ATRNL1: variants seen among roughly 807,000 people sequenced by gnomAD.
ATRNL1 encodes the protein attractin like 1, also known as attractin-like protein 1.
In ATRNL1, 95 loss-of-function variants were observed where a neutral mutation model predicts 182.7. The ratio of observed to expected loss-of-function variants is 0.52; its 90% confidence interval spans 0.44 to 0.62. The LOEUF (loss-of-function observed/expected upper bound fraction) is 0.62. ATRNL1 is among the 20% of genes least tolerant of loss of function. The probability of loss-of-function intolerance (pLI) is 0.00; values close to 1 mark genes in which losing one functional copy is unlikely to be tolerated. For missense variants in ATRNL1, 1,471 were observed against 1,679.5 expected, an observed-to-expected ratio of 0.88 and a Z score of 2.17; for synonymous variants, 576 against 568.3, an observed-to-expected ratio of 1.01 and a Z score of -0.19.
chr10:115,800,766 T>TG (rs1479265219), intron 27 of ATRNL1, among the ~76,000 whole-genome samples: 1 of 152,048 alleles, frequency 6.6e-6, no homozygotes, highest in Non-Finnish European at 1.5e-5. Context: ...TTCTGTCATG[T>TG]GAGGACACAG....
intron 8 of ATRNL1, among the ~76,000 whole-genome samples, chr10:115,192,197 A>G (rs1247093436): frequency 6.6e-6 from 1 of 151,948 alleles, no homozygotes; most frequent in Non-Finnish European, 1.5e-5. Context: ...GTGTTTCTCC[A>G]GTGTTTTCTT....
chr10:115,232,034 T>G (rs1248947818), intron 9 of ATRNL1, among the ~76,000 whole-genome samples: 1 of 152,202 alleles, frequency 6.6e-6, no homozygotes, highest in Non-Finnish European at 1.5e-5. Context: ...GGATGCATAC[T>G]GGAATTGTCC....
At position 115,180,300 on chromosome 10, in the gene ATRNL1, T is replaced by C. The variant is rs551042846; in HGVS notation, c.1348+9008T>C. Reference sequence around the variant, plus strand: ...GTGCATGTCATCTGGTTTGCTTATTTTTGACCTTTATAAAAAGGTTGTATT... The same window carrying C: ...GTGCATGTCATCTGGTTTGCTTATTCTTGACCTTTATAAAAAGGTTGTATT... On this transcript the variant is annotated intron_variant, in intron 8 of 28. Coordinates refer to ENST00000355044, the MANE Select transcript of ATRNL1 (RefSeq NM_207303.4). Among the ~76,000 whole-genome samples, 162 of 152,180 alleles carry C rather than the reference T, an allele frequency of 1.1e-3. 3 individuals are homozygous for C. In the South Asian group the frequency reaches 0.032, roughly 30 times the overall value.
intron 19 of ATRNL1, among the ~76,000 whole-genome samples, chr10:115,389,168 T>C (rs939002587): frequency 3.3e-5 from 5 of 152,068 alleles, no homozygotes; most frequent in Non-Finnish European, 7.4e-5. Flanking sequence ...GTAGTTGTCT[T>C]TTTGTGCCTG....
intron 24 of ATRNL1, among the ~76,000 whole-genome samples, chr10:115,517,574 A>G (rs1554984173): frequency 6.6e-6 from 1 of 151,476 alleles, no homozygotes; most frequent in Admixed American, 6.6e-5. Flanking sequence ...TTGTTATTTC[A>G]TCTGTTCTCT....
intron 13 of ATRNL1, among the ~76,000 whole-genome samples, chr10:115,273,475 G>C (rs1388963627): frequency 6.6e-6 from 1 of 151,500 alleles, no homozygotes; most frequent in Non-Finnish European, 1.5e-5. Context: ...CCAAGTTCCT[G>C]ACCATACAGA....
chr10:115,772,740 T>C (rs1949026902), intron 27 of ATRNL1, among the ~76,000 whole-genome samples: 1 of 152,036 alleles, frequency 6.6e-6, no homozygotes, highest in African/African-American at 2.4e-5. Flanking sequence ...TTGCTTTTCA[T>C]TTGGCAAAAA....
chr10:115,253,460 A>G (rs1850969651), intron 10 of ATRNL1, among the ~76,000 whole-genome samples: 1 of 151,986 alleles, frequency 6.6e-6, no homozygotes. Context: ...AACCCAGACA[A>G]CAAGTTTTTT....
chr10:115,525,174 C>T (rs377183973), intron 25 of ATRNL1, among the ~76,000 whole-genome samples: 1 of 152,158 alleles, frequency 6.6e-6, no homozygotes, highest in African/African-American at 2.4e-5. Flanking sequence ...TCTCCTGTTC[C>T]TTCATTCTTA....
At chr10:115,473,600 G>A (rs1218690750) in intron 24 of ATRNL1, among the ~76,000 whole-genome samples, 1 of 151,122 alleles carries the variant, frequency 6.6e-6, no homozygotes, top group South Asian at 2.1e-4. Flanking sequence ...GCATAAGTTC[G>A]GAAGTGTTCA....
intron 18 of ATRNL1, among the ~76,000 whole-genome samples, chr10:115,327,697 C>T (rs10787564): frequency 0.64 from 95,694 of 149,154 alleles, 31,124 homozygotes; most frequent in East Asian, 0.82. Context: ...AAATGTCCAA[C>T]AATGATAGAC....
chr10:115,451,973 T>G (rs776933284), intron 21 of ATRNL1, among the ~76,000 whole-genome samples: 11 of 152,180 alleles, frequency 7.2e-5, no homozygotes, highest in Non-Finnish European at 1.2e-4. Context: ...TGGATAGGGC[T>G]AGAGACTATT....
intron 17 of ATRNL1, 82 bp downstream of exon 17, chr10:115,302,125 T>C (rs1853502232): frequency 7.7e-7 from 1 of 1,292,798 alleles, no homozygotes. Context: ...ATTAAATATT[T>C]GAAGAAGTTT....
intron 26 of ATRNL1, among the ~76,000 whole-genome samples, chr10:115,655,938 A>G (rs1860303834): frequency 6.6e-6 from 1 of 152,154 alleles, no homozygotes; most frequent in South Asian, 2.1e-4. Context: ...AAATAGGAAA[A>G]TAAGCCTGAC....
chr10:115,783,872 G>A (rs1162004795), intron 27 of ATRNL1, among the ~76,000 whole-genome samples: 9 of 152,132 alleles, frequency 5.9e-5, no homozygotes, highest in Admixed American at 2.6e-4. Flanking sequence ...AATTAGCCAG[G>A]CGTGGTGGCG....
At chr10:115,748,203 C>T (rs570414197) in intron 27 of ATRNL1, among the ~76,000 whole-genome samples, 1 of 152,020 alleles carries the variant, frequency 6.6e-6, no homozygotes, top group South Asian at 2.1e-4. Context: ...ACAAAGAAAC[C>T]TACTCCCAGG....
chr10:115,720,704 C>A (rs1264411063), intron 26 of ATRNL1, among the ~76,000 whole-genome samples: 1 of 152,186 alleles, frequency 6.6e-6, no homozygotes, highest in African/African-American at 2.4e-5. Context: ...CAGAAAAAAA[C>A]AAAGTTTGAG....
intron 27 of ATRNL1, among the ~76,000 whole-genome samples, chr10:115,787,389 C>T (rs923918974): frequency 2.0e-5 from 3 of 152,076 alleles, no homozygotes; most frequent in Non-Finnish European, 4.4e-5. Context: ...CTTGATGAAG[C>T]TAATTCCAGG....
chr10:115,318,903 C>A lies in ATRNL1; in HGVS notation c.3037+3167C>A, dbSNP rs1039444613. Among the ~76,000 whole-genome samples the A allele has an allele frequency of 5.3e-5, 8 of 152,056 alleles. No individual in the cohort carries two copies. The South Asian group carries it at 1.5e-3, about 28-fold the overall frequency. On this transcript the variant is annotated intron_variant, in intron 18 of 28. Coordinates refer to ENST00000355044, the MANE Select transcript of ATRNL1 (RefSeq NM_207303.4). ...TGTCTCTATCTCTTTTAGTTCTGCTCTAATCTCAGTTATTTCTTGTCTTCT... is the reference window on the plus strand; with the variant it reads ...TGTCTCTATCTCTTTTAGTTCTGCTATAATCTCAGTTATTTCTTGTCTTCT...
Sources: gnomAD v4.1 joint callset for allele counts (sites outside exome capture counted in the v4.1 genomes callset) on GRCh38, gnomAD v4.1.1 for gene constraint, MANE v1.5 for transcripts, NCBI Gene and HGNC (gene_info 2026-07-23, HGNC 2026-07-21) for gene names.